FSTL5: variants seen among roughly 807,000 people sequenced by gnomAD.
The protein encoded by FSTL5 is follistatin-related protein 5.
In FSTL5, 62 loss-of-function variants were observed where a neutral mutation model predicts 89.1. That is an observed-to-expected ratio of 0.70 (90% CI 0.57 to 0.86). The LOEUF is 0.86. Ranked by LOEUF, FSTL5 falls within the 40% of genes least tolerant of loss-of-function variation. The pLI is 0.00. For synonymous variants in FSTL5, 383 were observed against 346.2 expected (o/e 1.11, Z -1.18); for missense variants, 1,057 against 1,001.6 (o/e 1.06, Z -0.75).
chr4:161,767,175 T>C (rs1256158981), intron 5 of FSTL5, among the ~76,000 whole-genome samples: 3 of 152,304 alleles, frequency 2.0e-5, no homozygotes, highest in South Asian at 2.1e-4. Context: ...TTTTTCTACA[T>C]GTTGGCCTGT....
intron 4 of FSTL5, among the ~76,000 whole-genome samples, chr4:161,776,885 C>T (rs1254402154): frequency 6.6e-6 from 1 of 151,880 alleles, no homozygotes; most frequent in Non-Finnish European, 1.5e-5. Context: ...TTTCCAAACC[C>T]AGTTTTTAAT....
intron 3 of FSTL5, among the ~76,000 whole-genome samples, chr4:161,956,373 C>T (rs1735026698): frequency 6.6e-6 from 1 of 151,462 alleles, no homozygotes; most frequent in Admixed American, 6.6e-5. Context: ...TGGCTTTGCA[C>T]CTATTATATA....
intron 9 of FSTL5, among the ~76,000 whole-genome samples, chr4:161,540,045 T>C (rs973559849): frequency 1.3e-5 from 2 of 152,084 alleles, no homozygotes; most frequent in African/African-American, 4.8e-5. Context: ...TATGTCCCAT[T>C]GTCTTTCCTT....
In FSTL5 at chr4:161,920,668, A is replaced by AG. The variant is rs1560917599; in HGVS notation, c.161-17_161-16insC. 1.3e-6 allele frequency: 2 copies of AG among 1,596,440 alleles called. No individual in the cohort carries two copies. Among genetic ancestry groups the AG allele is most frequent in the Non-Finnish European group, 1.7e-6 (2 of 1,174,214 alleles). On this transcript the variant is annotated splice_polypyrimidine_tract_variant and intron_variant, in intron 3 of 15. Transcript: ENST00000306100. The stretch of plus-strand genomic sequence containing the variant: ...ATCATAAATCCTGAAGAATTAAAAA[A>AG]AAATTGAAAATCGTTTGGTTCATTT...
At chr4:161,707,601 TC>T (rs368827360) in intron 6 of FSTL5, among the ~76,000 whole-genome samples, 32 of 152,046 alleles carry the variant, frequency 2.1e-4, no homozygotes, top group African/African-American at 7.7e-4. Context: ...CTAACATTTT[TC>T]TTCCAATTTT....
intron 4 of FSTL5, among the ~76,000 whole-genome samples, chr4:161,862,508 G>A (rs1468501242): frequency 2.0e-5 from 3 of 152,116 alleles, no homozygotes; most frequent in African/African-American, 7.2e-5. Flanking sequence ...GCTGAGGTGG[G>A]CGGATAACCA....
At position 161,384,649 on chromosome 4, in the gene FSTL5, A is replaced by C. The variant is rs1730550587; in HGVS notation, c.*1098T>G. ...TTTTGATACATTATATTTAAATAGC[A>C]AAAACAATGGAGTACTACATTTTTA... is the stretch of plus-strand genomic sequence containing the variant. On this transcript the variant is annotated 3_prime_UTR_variant, in exon 16 of 16. Transcript: ENST00000306100. 6.6e-6 allele frequency: 1 copy of C among 152,158 alleles called. No homozygotes were observed. Among genetic ancestry groups the C allele is most frequent in the Admixed American group, 6.6e-5 (1 of 15,260 alleles). 9.4% of individuals were successfully genotyped at this position (152,158 alleles called of 1,614,324 possible).
chr4:161,872,140 G>GTTTTTTTTTTTT lies in FSTL5; in HGVS notation c.409+48263_409+48264insAAAAAAAAAAAA, dbSNP rs1491313878. On this transcript the variant is annotated intron_variant, in intron 4 of 15. Transcript: ENST00000306100. The stretch of plus-strand genomic sequence containing the variant: ...GGCTTTGTAGTTTGTTTTTTTTTTT[G>GTTTTTTTTTTTT]GTTTTTTTTTTTTTTTTTGTAGAGA... Among the ~76,000 whole-genome samples the GTTTTTTTTTTTT allele has an allele frequency of 1.2e-4, 8 of 67,492 alleles. 1 individual carries two copies. The highest frequency in any genetic ancestry group is 2.0e-4 in the Non-Finnish European group (7 of 35,798). The allele number at this position is 67,492 out of a possible 152,430, so 44.3% of individuals were successfully genotyped here. A position where few individuals can be genotyped will look rare whatever the true frequency, so the allele number is the denominator to read the frequency against.
intron 5 of FSTL5, among the ~76,000 whole-genome samples, chr4:161,766,164 A>T (rs1740991567): frequency 1.3e-5 from 2 of 152,202 alleles, no homozygotes; most frequent in South Asian, 4.1e-4. Flanking sequence ...ACCTAAATCA[A>T]TATACTCAAC....
intron 2 of FSTL5, among the ~76,000 whole-genome samples, chr4:162,100,042 T>C (rs1313932211): frequency 6.6e-6 from 1 of 152,150 alleles, no homozygotes; most frequent in African/African-American, 2.4e-5. Context: ...ATGTTGACCA[T>C]ATGATCCAGC....
intron 8 of FSTL5, among the ~76,000 whole-genome samples, chr4:161,547,301 T>C (rs957559460): frequency 1.3e-5 from 2 of 152,064 alleles, no homozygotes; most frequent in Admixed American, 6.6e-5. Context: ...TCTCAAATTA[T>C]TTGATTATTT....
chr4:161,836,889 G>C (rs12505615), intron 4 of FSTL5, among the ~76,000 whole-genome samples: 11,438 of 152,028 alleles, frequency 0.075, 577 homozygotes, highest in East Asian at 0.16. Flanking sequence ...ATAATTGAGT[G>C]GATGTTGACT....
At chr4:162,031,950 A>G (rs1266165327) in intron 3 of FSTL5, among the ~76,000 whole-genome samples, 1 of 152,076 alleles carries the variant, frequency 6.6e-6, no homozygotes, top group Admixed American at 6.6e-5. Flanking sequence ...AAAAAGAAAA[A>G]AGTTAGAAGT....
chr4:161,571,567 A>G (rs1733012446), intron 8 of FSTL5, among the ~76,000 whole-genome samples: 1 of 152,186 alleles, frequency 6.6e-6, no homozygotes, highest in Admixed American at 6.5e-5. Flanking sequence ...AAGGAGGGGG[A>G]AAATGTAACA....
At chr4:161,423,078 T>C (rs1413971747) in intron 15 of FSTL5, among the ~76,000 whole-genome samples, 1 of 152,220 alleles carries the variant, frequency 6.6e-6, no homozygotes, top group Non-Finnish European at 1.5e-5. Flanking sequence ...CACTACACTA[T>C]GTCAAGTACT....
At chr4:161,779,824 T>TAC (rs1741592510) in intron 4 of FSTL5, among the ~76,000 whole-genome samples, 2 of 85,220 alleles carry the variant, frequency 2.3e-5, no homozygotes, top group African/African-American at 1.4e-4. Context: ...TATATATATA[T>TAC]ATATATATAT....
At chr4:161,396,738 A>AG (rs1048946370) in intron 15 of FSTL5, among the ~76,000 whole-genome samples, 11 of 152,080 alleles carry the variant, frequency 7.2e-5, no homozygotes, top group East Asian at 3.9e-4. Context: ...CTGTAAAAAA[A>AG]AAAACAGCAA....
chr4:162,125,832 A>C (rs1033299873), intron 1 of FSTL5, among the ~76,000 whole-genome samples: 1 of 152,038 alleles, frequency 6.6e-6, no homozygotes, highest in Non-Finnish European at 1.5e-5. Flanking sequence ...ATTTATTAAG[A>C]TTGCTAATAT....
At chr4:161,808,134 A>G (rs528780794) in intron 4 of FSTL5, among the ~76,000 whole-genome samples, 2 of 152,352 alleles carry the variant, frequency 1.3e-5, no homozygotes, top group South Asian at 4.1e-4. Context: ...ACCAAGTGAT[A>G]TAGTTTTTAG....
Sources: gnomAD v4.1 joint callset for allele counts (sites outside exome capture counted in the v4.1 genomes callset) on GRCh38, gnomAD v4.1.1 for gene constraint, MANE v1.5 for transcripts, NCBI Gene and HGNC (gene_info 2026-07-23, HGNC 2026-07-21) for gene names.